The following RAB9B variants were observed in gnomAD, a reference collection of about 807,000 sequenced individuals.
RAB9B encodes ras-related protein Rab-9B.
In RAB9B, 1 loss-of-function variant was observed where a neutral mutation model predicts 8.9. The observed-to-expected ratio is 0.11, with a 90% CI of 0.04 to 0.53. The LOEUF is 0.53. Ranked by LOEUF, RAB9B falls within the 20% of genes least tolerant of loss-of-function variation. RAB9B has a pLI of 0.93. For synonymous variants in RAB9B, 63 were observed against 57.0 expected (o/e 1.10, Z -0.47); for missense variants, 82 against 152.9 (o/e 0.54, Z 2.45).
rs1054995723 is a variant in RAB9B at position 103,823,706 on chromosome X, T to C, written c.*1473A>G. Reference sequence around the variant, plus strand: ...TGACAGTCATGGTAATCAAAAATTGTCAAACCATTTTTATATTTTAACATG... The same window carrying C: ...TGACAGTCATGGTAATCAAAAATTGCCAAACCATTTTTATATTTTAACATG... On this transcript the variant is annotated 3_prime_UTR_variant, in exon 3 of 3. Coordinates refer to ENST00000243298, the MANE Select transcript of RAB9B (RefSeq NM_016370.4). 8.9e-6 allele frequency: 1 copy of C among 112,495 alleles called. No individual in the cohort carries two copies. Among genetic ancestry groups the C allele is most frequent in the African/African-American group, 3.2e-5 (1 of 30,966 alleles). 9.3% of individuals were successfully genotyped at this position (112,495 alleles called of 1,213,427 possible).
At chrX:103,790,950 A>G in the RAB9B span, 1 of 262,802 alleles carries the variant, frequency 3.8e-6, no homozygotes, top group Non-Finnish European at 6.8e-6. Context: ...ACTTCCACTG[A>G]TGGAAACAAA....
At chrX:103,817,651 G>C (rs765729000), downstream of RAB9B, among the ~76,000 whole-genome samples, 4 of 109,493 alleles carry the variant, frequency 3.7e-5, no homozygotes, top group Non-Finnish European at 7.6e-5. Context: ...AGTCTATGGC[G>C]GAACACTAAC....
At chrX:103,777,007 T>C in the RAB9B span, 1 of 1,199,106 alleles carries the variant, frequency 8.3e-7, no homozygotes, top group Non-Finnish European at 1.1e-6. Context: ...TGGGTAAGTT[T>C]CAAAAACTTT....
In RAB9B at chrX:103,824,281, A is replaced by T. The variant is rs1037770835; in HGVS notation, c.*898T>A. Reference sequence around the variant, plus strand: ...TTCATTATCCCCCAATCTTTTATGAAGCCTTCTCCATGAGCCCAGCATGTT... The same window carrying T: ...TTCATTATCCCCCAATCTTTTATGATGCCTTCTCCATGAGCCCAGCATGTT... On this transcript the variant is annotated 3_prime_UTR_variant, in exon 3 of 3. Coordinates refer to ENST00000243298, the MANE Select transcript of RAB9B (RefSeq NM_016370.4). 8 of 112,397 alleles carry T rather than the reference A, an allele frequency of 7.1e-5. No individual in the cohort carries two copies. The highest frequency in any genetic ancestry group is 4.6e-3 in the Middle Eastern group (1 of 217). 9.3% of individuals were successfully genotyped at this position (112,397 alleles called of 1,213,427 possible).
At chrX:103,809,654 GCTGA>G in the RAB9B span, among the ~76,000 whole-genome samples, 1 of 111,905 alleles carries the variant, frequency 8.9e-6, no homozygotes, top group Non-Finnish European at 1.9e-5. Flanking sequence ...TGCTGCCTGA[GCTGA>G]CTAAGACAAT....
the RAB9B span, chrX:103,781,026 TA>T: frequency 5.2e-6 from 1 of 193,180 alleles, no homozygotes; most frequent in African/African-American, 2.9e-5. Context: ...AGCTCTATTG[TA>T]TAGGGTTCTT....
chrX:103,829,302 G>A (rs1426610013), intron 1 of RAB9B, among the ~76,000 whole-genome samples: 1 of 111,887 alleles, frequency 8.9e-6, no homozygotes. Context: ...GGGTCTTCTG[G>A]TCCAATCTTG....
downstream of RAB9B, among the ~76,000 whole-genome samples, chrX:103,821,359 A>G (rs373035197): frequency 7.8e-3 from 854 of 110,147 alleles, 12 homozygotes; most frequent in Non-Finnish European, 0.01. Context: ...TGGCAAAAAA[A>G]AAAAAAAAAA....
chrX:103,796,198 G>A, the RAB9B span, among the ~76,000 whole-genome samples: 33 of 112,215 alleles, frequency 2.9e-4, no homozygotes, highest in African/African-American at 1.0e-3. Context: ...GTCTGGGCAG[G>A]GCATGGTGGC....
At chrX:103,788,088 G>T in the RAB9B span, 1 of 593,237 alleles carries the variant, frequency 1.7e-6, no homozygotes, top group Non-Finnish European at 2.8e-6. Context: ...TGAATGATTG[G>T]GTCTTAGTTT....
rs1031124461 is a variant in RAB9B at position 103,823,142 on chromosome X, A to C, written c.*2037T>G. 2 of 111,568 alleles carry C rather than the reference A, an allele frequency of 1.8e-5. No homozygotes were observed. The highest frequency in any genetic ancestry group is 3.8e-5 in the Non-Finnish European group (2 of 53,101). The allele number at this position is 111,568 out of a possible 1,213,427, so 9.2% of individuals were successfully genotyped here. A position where few individuals can be genotyped will look rare whatever the true frequency, so the allele number is the denominator to read the frequency against. On this transcript the variant is annotated 3_prime_UTR_variant, in exon 3 of 3. Coordinates refer to ENST00000243298, the MANE Select transcript of RAB9B (RefSeq NM_016370.4). The stretch of plus-strand genomic sequence containing the variant: ...AGTGCAAGTAGAAAGAGAAGGCCCC[A>C]GGTCTCATGCACTTAAAAATAATTA...
At chrX:103,807,900 T>C in the RAB9B span, among the ~76,000 whole-genome samples, 2 of 112,284 alleles carry the variant, frequency 1.8e-5, no homozygotes, top group Admixed American at 1.9e-4. Context: ...TTCCCAGTCC[T>C]GGAATCTTCT....
chrX:103,789,213 G>T, the RAB9B span: 1 of 600,246 alleles, frequency 1.7e-6, no homozygotes, highest in Non-Finnish European at 2.9e-6. Context: ...CTTAGTTAGA[G>T]ATGTGGAATT....
the RAB9B span, among the ~76,000 whole-genome samples, chrX:103,782,796 C>G: frequency 0.011 from 2 of 179 alleles, no homozygotes; most frequent in Admixed American, 0.22. Context: ...TGACCCCCTC[C>G]CCACCCCCCG....
chrX:103,804,614 T>TCA, the RAB9B span, among the ~76,000 whole-genome samples: 1 of 111,656 alleles, frequency 9.0e-6, no homozygotes. Flanking sequence ...ATTTGGGGAA[T>TCA]ATTGCCACCT....
intron 1 of RAB9B, among the ~76,000 whole-genome samples, chrX:103,830,312 A>AT (rs1262636860): frequency 9.0e-6 from 1 of 111,056 alleles, no homozygotes; most frequent in East Asian, 2.8e-4. Context: ...AAATGAAATC[A>AT]TTTTTTCCTC....
chrX:103,831,826 C>T (rs1433629412), intron 1 of RAB9B, among the ~76,000 whole-genome samples: 1 of 110,703 alleles, frequency 9.0e-6, no homozygotes, highest in Non-Finnish European at 1.9e-5. Context: ...GAGCCCTGCG[C>T]CTCTCTGCTC....
At chrX:103,786,403 A>G in the RAB9B span, 3 of 1,157,203 alleles carry the variant, frequency 2.6e-6, no homozygotes, top group Non-Finnish European at 3.5e-6. Context: ...TTATGTCGGG[A>G]AAGAAGCCAG....
the RAB9B span, chrX:103,786,256 G>C: frequency 1.8e-6 from 2 of 1,130,494 alleles, no homozygotes; most frequent in East Asian, 3.3e-5. Context: ...GGCGGGAGGG[G>C]CATATGTTTC....
Sources: gnomAD v4.1 joint callset for allele counts (sites outside exome capture counted in the v4.1 genomes callset) on GRCh38, gnomAD v4.1.1 for gene constraint, MANE v1.5 for transcripts, NCBI Gene and HGNC (gene_info 2026-07-23, HGNC 2026-07-21) for gene names.